Variants in IVD observed in about 807,000 individuals in gnomAD.
IVD encodes the protein isovaleryl-CoA dehydrogenase, mitochondrial.
IVD carries 31 observed loss-of-function variants against 51.3 expected under a neutral mutation model. The observed-to-expected ratio is 0.60, with a 90% CI of 0.45 to 0.81. The LOEUF (loss-of-function observed/expected upper bound fraction) is 0.81, where lower values mean the gene tolerates loss of function less well. IVD is among the 40% of genes least tolerant of loss of function. The pLI, the probability that IVD is intolerant of heterozygous loss-of-function variation, is 0.00. For missense variants in IVD, 475 were observed against 552.0 expected (o/e 0.86, Z 1.40); for synonymous variants, 205 against 219.4 (o/e 0.93, Z 0.58).
chr15:40,406,062 G>T, intron 1 of IVD, 91 bp downstream of exon 1: 1 of 1,492,454 alleles, frequency 6.7e-7, no homozygotes, highest in Non-Finnish European at 9.0e-7. Flanking sequence ...TCGGCCCAGC[G>T]CCCACCCAGC....
chr15:40,406,235 G>A (rs762961844), intron 1 of IVD: 2 of 1,498,408 alleles, frequency 1.3e-6, no homozygotes, highest in South Asian at 1.2e-5. Context: ...GTCGAGGCTG[G>A]GAGAGCTCCT....
In IVD at chr15:40,407,051, C is replaced by G. The variant is rs139146074; in HGVS notation, c.145-585C>G. Among the ~76,000 whole-genome samples the G allele has an allele frequency of 1.4e-3, 217 of 152,160 alleles. 1 individual carries two copies. The highest frequency in any genetic ancestry group is 5.1e-3 in the African/African-American group (211 of 41,536). ...GCTAATTTTGTGTTTTTAGTAGAGA[C>G]GGAGTTTCTCCATGTTGGTCAGGCT... is the stretch of plus-strand genomic sequence containing the variant. On this transcript the variant is annotated intron_variant, in intron 1 of 11. Transcript: ENST00000487418.
chr15:40,406,219 G>C, intron 1 of IVD: 2 of 1,514,102 alleles, frequency 1.3e-6, no homozygotes, highest in East Asian at 2.6e-5. Flanking sequence ...GAAGTAGAGA[G>C]GAGGAGTCGA....
downstream of IVD, among the ~76,000 whole-genome samples, chr15:40,426,910 C>A (rs775698288): frequency 6.6e-6 from 1 of 152,162 alleles, no homozygotes; most frequent in Non-Finnish European, 1.5e-5. Flanking sequence ...ATGCACTGGG[C>A]GACGGGCTGG....
At chr15:40,421,489 C>G (rs1190265722), downstream of IVD, among the ~76,000 whole-genome samples, 1 of 152,200 alleles carries the variant, frequency 6.6e-6, no homozygotes, top group African/African-American at 2.4e-5. Context: ...CAGGGCAGCT[C>G]GCTGCTGTTG....
At chr15:40,422,368 C>G (rs1892370129), downstream of IVD, among the ~76,000 whole-genome samples, 2 of 151,898 alleles carry the variant, frequency 1.3e-5, no homozygotes, top group Non-Finnish European at 2.9e-5. Context: ...ACTGCAAGCT[C>G]CGCCTCCCAG....
downstream of IVD, among the ~76,000 whole-genome samples, chr15:40,429,221 G>C (rs661488): frequency 0.65 from 98,480 of 151,964 alleles, 32,420 homozygotes; most frequent in East Asian, 0.81. Flanking sequence ...CATGGCCAGC[G>C]TCCTCACTTA....
In IVD at chr15:40,435,355, G is replaced by A. The variant is rs1344820134; in HGVS notation, c.781-62G>A. On this transcript the variant is annotated intron_variant, in intron 8 of 8. Transcript: ENST00000473112. ...GGGGAAAGAGATGGTAGAGCTCCTG[G>A]TTGGCAGGCAGGAGCCGCTGGGGTT... 5.1e-6 allele frequency: 5 copies of A among 990,038 alleles called. No homozygotes were observed. In the African/African-American group the frequency reaches 8.7e-5, roughly 17 times the overall value. The allele number at this position is 990,038 out of a possible 1,614,324, so 61.3% of individuals were successfully genotyped here. A position where few individuals can be genotyped will look rare whatever the true frequency, so the allele number is the denominator to read the frequency against.
At position 40,420,192 on chromosome 15, in the gene IVD, G is replaced by A; in HGVS notation, c.*1929G>A. On this transcript the variant is annotated 3_prime_UTR_variant, in exon 12 of 12. Coordinates refer to ENST00000487418, the MANE Select transcript of IVD (RefSeq NM_002225.5). The stretch of plus-strand genomic sequence containing the variant: ...GACAGCGTGCTTTTGTGTACTGTTG[G>A]AAGACTGGCTCCTCCTGTACAGCAC... The A allele has an allele frequency of 1.0e-6, 1 of 985,982 alleles. No homozygotes were observed. 61.1% of individuals were successfully genotyped at this position (985,982 alleles called of 1,614,324 possible).
intron 7 of IVD, among the ~76,000 whole-genome samples, chr15:40,431,913 T>C (rs1892996581): frequency 6.6e-6 from 1 of 151,930 alleles, no homozygotes. Flanking sequence ...TTAAATATAG[T>C]ATAATATTCA....
chr15:40,418,677 A>T lies in IVD; in HGVS notation c.*414A>T, dbSNP rs1188253362. The T allele has an allele frequency of 8.8e-7, 1 of 1,139,278 alleles. No individual in the cohort carries two copies. The highest frequency in any genetic ancestry group is 1.1e-6 in the Non-Finnish European group (1 of 919,392). 70.6% of individuals were successfully genotyped at this position (1,139,278 alleles called of 1,614,324 possible). ...TCTTGGGTGAGGCTCTGGCAAGGAG[A>T]TCTCTCTGCTCAAGCACAGCAGAAT... On this transcript the variant is annotated 3_prime_UTR_variant, in exon 12 of 12. Coordinates refer to ENST00000487418, the MANE Select transcript of IVD (RefSeq NM_002225.5).
chr15:40,412,969 C>A (rs1229226810), intron 6 of IVD, 22 bp from the exon 7 acceptor site: 36 of 1,605,050 alleles, frequency 2.2e-5, no homozygotes, highest in Non-Finnish European at 3.1e-5. Context: ...GTAACCAGGA[C>A]CACCTTTTGT....
Position 40,405,933 on chromosome 15 carries a change from G to A in IVD, c.106G>A (p.Asp36Asn). The A allele has an allele frequency of 6.2e-7, 1 of 1,613,022 alleles. No homozygotes were observed. Among genetic ancestry groups the A allele is most frequent in the South Asian group, 1.1e-5 (1 of 91,008 alleles). Residue 36 changes from aspartate (D) to asparagine (N), a missense_variant, in exon 1 of 12, where the codon GAC (aspartate) becomes AAC (asparagine). Asp to Asn is a conservative substitution (Grantham distance 23). Transcript: ENST00000487418. ...SQRAHSLLPV[D>N]DAINGLSEEQ... ...GCGGGCCCACTCGCTTTTGCCCGTGGACGATGCAATCAATGGGCTAAGCGA... is the reference window on the plus strand; with the variant it reads ...GCGGGCCCACTCGCTTTTGCCCGTGAACGATGCAATCAATGGGCTAAGCGA...
rs371150407 is a variant in IVD at position 40,411,720 on chromosome 15, G to T, written c.687+29G>T. 1.7e-5 allele frequency: 27 copies of T among 1,613,312 alleles called. No homozygotes were observed. In the East Asian group the frequency reaches 3.6e-4, roughly 21 times the overall value. Reference sequence around the variant, plus strand: ...AGTATAGGTGGGTGCAGGGCCAGGAGGCTTCTGCCTCCTGACAGTGGTACC... The same window carrying T: ...AGTATAGGTGGGTGCAGGGCCAGGATGCTTCTGCCTCCTGACAGTGGTACC... On this transcript the variant is annotated intron_variant, in intron 6 of 11. Coordinates refer to ENST00000487418, the MANE Select transcript of IVD (RefSeq NM_002225.5).
chr15:40,405,817 G>A lies in IVD; in HGVS notation c.-11G>A. On this transcript the variant is annotated 5_prime_UTR_variant, in exon 1 of 12. Transcript: ENST00000487418. ...CTCAGTTTCAGCGCTGGCTCTTCGT[G>A]CATGGCAGAGATGGCGACTGCGACT... The A allele has an allele frequency of 1.2e-6, 2 of 1,610,906 alleles. No homozygotes were observed. Among genetic ancestry groups the A allele is most frequent in the African/African-American group, 2.7e-5 (2 of 74,980 alleles).
At chr15:40,406,227 C>T in intron 1 of IVD, 1 of 1,506,204 alleles carries the variant, frequency 6.6e-7, no homozygotes. Flanking sequence ...GAGGAGGAGT[C>T]GAGGCTGGGA....
chr15:40,415,121 G>A, intron 8 of IVD, 139 bp downstream of exon 8: 1 of 955,692 alleles, frequency 1.0e-6, no homozygotes, highest in Non-Finnish European at 1.6e-6. Flanking sequence ...GAGATGAAAG[G>A]AACCTCCTCT....
At chr15:40,422,473 C>CG (rs1454236177), downstream of IVD, among the ~76,000 whole-genome samples, 1 of 150,020 alleles carries the variant, frequency 6.7e-6, no homozygotes, top group Non-Finnish European at 1.5e-5. Context: ...TTAGTAGAGA[C>CG]GGGGTTTCGC....
Position 40,411,315 on chromosome 15 carries a change from C to G in IVD, c.512C>G (p.Ser171Cys). The change falls in exon 5 of 12, where the codon TCT becomes TGT. Residue 171 changes from serine to cysteine, a missense_variant. Ser to Cys is a moderately radical substitution (Grantham distance 112, BLOSUM62 -1). Coordinates refer to ENST00000487418, the MANE Select transcript of IVD (RefSeq NM_002225.5). ...GCCATGAGTGAGCCCAATGCAGGCTCTGATGTTGTCTCTATGAAGCTCAAA... is the reference window on the plus strand; with the variant it reads ...GCCATGAGTGAGCCCAATGCAGGCTGTGATGTTGTCTCTATGAAGCTCAAA... ...ALAMSEPNAG[S>C]DVVSMKLKAE... The G allele has an allele frequency of 6.2e-7, 1 of 1,614,164 alleles. No homozygotes were observed. Among genetic ancestry groups the G allele is most frequent in the Non-Finnish European group, 8.5e-7 (1 of 1,180,044 alleles).
Sources: gnomAD v4.1 joint callset for allele counts (sites outside exome capture counted in the v4.1 genomes callset) on GRCh38, gnomAD v4.1.1 for gene constraint, MANE v1.5 for transcripts, NCBI Gene and HGNC (gene_info 2026-07-23, HGNC 2026-07-21) for gene names.